ZFY: variants seen among roughly 807,000 people sequenced by gnomAD.
ZFY encodes zinc finger Y-chromosomal protein.
For missense variants in ZFY, 113 were observed against 170.9 expected (o/e 0.66, Z 1.89); for synonymous variants, 47 against 55.8 (o/e 0.84, Z 0.71).
intron 3 of ZFY, chrY:2,966,805 C>T (rs2051329151): frequency 3.9e-5 from 1 of 25,961 alleles, no homozygotes; most frequent in African/African-American, 1.7e-4. Context: ...CTCCTTTCTT[C>T]CTTTCCTTCT....
intron 1 of ZFY, among the ~76,000 whole-genome samples, chrY:2,951,903 T>G (rs1289880758): frequency 1.3e-4 from 4 of 31,812 alleles, no homozygotes; most frequent in Admixed American, 2.8e-4. Context: ...ACAGGAAAAT[T>G]ACGCTACAAG....
chrY:2,975,179 A>T lies in ZFY; in HGVS notation c.719A>T (p.Asp240Val). The change falls in exon 4 of 8, where the codon GAT becomes GTT. Residue 240 changes from aspartate (D) to valine (V), a missense_variant. Transcript: ENST00000155093. ...TCAGAAATGGATCCTTGTAAAGTGG[A>T]TAGCACTTGTCCTGAAGTCATCAAG... ...AESEMDPCKV[D>V]STCPEVIKVY... 7.5e-6 allele frequency: 3 copies of T among 398,458 alleles called. No individual in the cohort carries two copies. The highest frequency in any genetic ancestry group is 1.1e-5 in the Non-Finnish European group (3 of 283,246).
intron 2 of ZFY, among the ~76,000 whole-genome samples, chrY:2,956,732 TG>T (rs2051294349): frequency 4.8e-5 from 1 of 20,767 alleles, no homozygotes; most frequent in Non-Finnish European, 1.0e-4. Context: ...GATTTTGTCA[TG>T]TTTTGCTATC....
intron 1 of ZFY, among the ~76,000 whole-genome samples, chrY:2,944,675 C>G (rs549540240): frequency 5.1e-4 from 13 of 25,303 alleles, no homozygotes; most frequent in African/African-American, 2.0e-3. Flanking sequence ...AAAAGGGATT[C>G]ATTGTTTCTT....
chrY:2,939,700 G>A (rs2051235783), intron 1 of ZFY, among the ~76,000 whole-genome samples: 1 of 33,104 alleles, frequency 3.0e-5, no homozygotes, highest in Admixed American at 2.8e-4. Context: ...ATTTAATATT[G>A]CTGAAACCAA....
At chrY:2,936,415 A>G in intron 1 of ZFY, among the ~76,000 whole-genome samples, 1 of 34,181 alleles carries the variant, frequency 2.9e-5, no homozygotes, top group Admixed American at 2.6e-4. Flanking sequence ...GATCTGCAAA[A>G]TAGAACTGGA....
At chrY:2,955,317 T>C in intron 2 of ZFY, among the ~76,000 whole-genome samples, 1 of 33,151 alleles carries the variant, frequency 3.0e-5, no homozygotes, top group Admixed American at 2.8e-4. Context: ...ATTAATCAGC[T>C]CAGAAGTCCT....
intron 1 of ZFY, among the ~76,000 whole-genome samples, chrY:2,938,565 A>T: frequency 6.5e-5 from 2 of 30,768 alleles, no homozygotes; most frequent in Non-Finnish European, 1.6e-4. Context: ...GATAGGATAG[A>T]CCTTGATGAT....
intron 3 of ZFY, among the ~76,000 whole-genome samples, chrY:2,974,160 T>C (rs2051357658): frequency 3.2e-5 from 1 of 30,967 alleles, no homozygotes; most frequent in South Asian, 7.2e-4. Flanking sequence ...TATCAGAATT[T>C]ACAACTATTT....
At chrY:2,960,450 C>G in intron 2 of ZFY, among the ~76,000 whole-genome samples, 1 of 30,126 alleles carries the variant, frequency 3.3e-5, no homozygotes, top group Non-Finnish European at 7.9e-5. Flanking sequence ...GTCTTAGATT[C>G]AAAGAATTAC....
At chrY:2,936,378 T>A (rs2051216206) in intron 1 of ZFY, among the ~76,000 whole-genome samples, 13 of 34,064 alleles carry the variant, frequency 3.8e-4, no homozygotes, top group African/African-American at 1.5e-3. Context: ...GATGCGCTTA[T>A]TTTTCAACCA....
chrY:2,969,297 GTT>G (rs2051340644), intron 3 of ZFY, among the ~76,000 whole-genome samples: 2 of 33,761 alleles, frequency 5.9e-5, no homozygotes, highest in Non-Finnish European at 1.5e-4. Flanking sequence ...TTTTAGTGTT[GTT>G]TCAAGAGAAA....
intron 1 of ZFY, among the ~76,000 whole-genome samples, chrY:2,941,845 G>A (rs756935474): frequency 9.4e-5 from 3 of 31,822 alleles, no homozygotes; most frequent in African/African-American, 3.7e-4. Context: ...TTTTGGAGAT[G>A]GAATAATACC....
At chrY:2,936,641 CT>C (rs2051217550) in intron 1 of ZFY, among the ~76,000 whole-genome samples, 1 of 33,789 alleles carries the variant, frequency 3.0e-5, no homozygotes, top group Non-Finnish European at 7.3e-5. Flanking sequence ...AGGTATTTTT[CT>C]TTTTGAAAGA....
chrY:2,936,552 G>C, intron 1 of ZFY, among the ~76,000 whole-genome samples: 2 of 33,882 alleles, frequency 5.9e-5, no homozygotes. Context: ...ACACTTTTTT[G>C]ATGAGCTGTA....
intron 3 of ZFY, among the ~76,000 whole-genome samples, chrY:2,962,062 T>C (rs946850462): frequency 7.5e-4 from 25 of 33,293 alleles, no homozygotes; most frequent in Admixed American, 2.2e-3. Context: ...AATGATTTTT[T>C]GTTGTTGTTT....
chrY:2,964,845 A>C, intron 3 of ZFY, among the ~76,000 whole-genome samples: 6 of 32,763 alleles, frequency 1.8e-4, no homozygotes, highest in African/African-American at 7.2e-4. Flanking sequence ...CATCCTGGTC[A>C]ACATAGTGAG....
At chrY:2,953,135 T>C (rs2124504455) in intron 1 of ZFY, among the ~76,000 whole-genome samples, 2 of 32,410 alleles carry the variant, frequency 6.2e-5, no homozygotes, top group East Asian at 1.6e-3. Context: ...CTCAGGACTT[T>C]GACACCAGCC....
chrY:2,946,055 T>G, intron 1 of ZFY, among the ~76,000 whole-genome samples: 1 of 33,360 alleles, frequency 3.0e-5, no homozygotes, highest in African/African-American at 1.2e-4. Flanking sequence ...GTATAATTTT[T>G]TAAAAAACTA....
Sources: gnomAD v4.1 joint callset for allele counts (sites outside exome capture counted in the v4.1 genomes callset) on GRCh38, gnomAD v4.1.1 for gene constraint, MANE v1.5 for transcripts, NCBI Gene and HGNC (gene_info 2026-07-23, HGNC 2026-07-21) for gene names.